The following RIPK4 variants were observed in gnomAD, a reference collection of about 807,000 sequenced individuals.
RIPK4 encodes receptor-interacting serine/threonine-protein kinase 4.
RIPK4 carries 17 observed loss-of-function variants against 42.9 expected under a neutral mutation model. That is an observed-to-expected ratio of 0.40 (90% CI 0.27 to 0.59). RIPK4 has a LOEUF of 0.59. Ranked by LOEUF, RIPK4 falls within the 20% of genes least tolerant of loss-of-function variation. The pLI is 0.47. For missense variants in RIPK4, 897 were observed against 1,104.4 expected (o/e 0.81, Z 2.66); for synonymous variants, 498 against 499.1 (o/e 1.00, Z 0.03).
At chr21:41,764,467 C>T (rs1275362098) in intron 1 of RIPK4, among the ~76,000 whole-genome samples, 1 of 152,044 alleles carries the variant, frequency 6.6e-6, no homozygotes, top group African/African-American at 2.4e-5. Flanking sequence ...GCTGTCCCTC[C>T]GAGAAGAGAA....
rs749250873 is a variant in RIPK4 at position 41,741,651 on chromosome 21, G to A, written c.1542C>T (p.Asn514=). Residue 514 remains asparagine, a synonymous_variant, in exon 8 of 8, where the codon AAC becomes AAT. Transcript: ENST00000332512. ...GCAGCCGTGTGCTAGACTCGTCCCC[G>A]TTCTGGGCTGCAAAGTGGAGGGCTG... ...QWTALHFAAQ[N]GDESSTRLLL... is the part of the protein sequence containing the mutation. 1.1e-5 allele frequency: 18 copies of A among 1,613,616 alleles called. No individual in the cohort carries two copies. Among genetic ancestry groups the A allele is most frequent in the Admixed American group, 1.7e-5 (1 of 60,028 alleles).
In RIPK4 at chr21:41,741,062, C is replaced by CA. The variant is rs762052035; in HGVS notation, c.2130dup (p.Ala711CysfsTer19). On this transcript the variant is annotated frameshift_variant, in exon 8 of 8. Coordinates refer to ENST00000332512, the MANE Select transcript of RIPK4 (RefSeq NM_020639.3). LOFTEE classifies it high-confidence loss of function. ...ACCACCTCCGAGTGCCCGTGGGCGG[C>CA]AGCCAGGTGCAGCGCCGTCTGGTTC... 1.2e-6 allele frequency: 2 copies of CA among 1,610,390 alleles called. No homozygotes were observed. The highest frequency in any genetic ancestry group is 2.2e-5 in the South Asian group (2 of 90,964).
intron 1 of RIPK4, among the ~76,000 whole-genome samples, chr21:41,758,021 A>AAAAAAT (rs1555910478): frequency 2.7e-4 from 14 of 51,358 alleles, no homozygotes; most frequent in Non-Finnish European, 3.1e-4. Context: ...AAAAAAAAAA[A>AAAAAAT]ATATATATAT....
Position 41,743,981 on chromosome 21 carries a change from C to A in RIPK4, c.1096G>T (p.Gly366Cys). Residue 366 changes from glycine (G) to cysteine (C), a missense_variant, in exon 7 of 8, where the codon GGC becomes TGC. Gly to Cys is a radical substitution (Grantham distance 159, BLOSUM62 -3). Coordinates refer to ENST00000332512, the MANE Select transcript of RIPK4 (RefSeq NM_020639.3). ...SSSESKLPSS[G>C]SGKRLSGVSS... ...ACCCCCGAGAGCCTCTTCCCACTGC[C>A]GGACGATGGCAGCTTGGACTCAGAG... 1.2e-6 allele frequency: 2 copies of A among 1,613,464 alleles called. No individual in the cohort carries two copies. Among genetic ancestry groups the A allele is most frequent in the Non-Finnish European group, 1.7e-6 (2 of 1,180,018 alleles).
At chr21:41,756,847 C>A in intron 1 of RIPK4, 31 bp from the exon 2 acceptor site, 1 of 1,596,740 alleles carries the variant, frequency 6.3e-7, no homozygotes, top group Non-Finnish European at 8.5e-7. Flanking sequence ...GAAGAATACG[C>A]AATGGTCACT....
At chr21:41,744,339 G>A (rs897106454) in intron 6 of RIPK4, among the ~76,000 whole-genome samples, 199 bp from the exon 7 acceptor site, 3 of 151,780 alleles carry the variant, frequency 2.0e-5, no homozygotes, top group African/African-American at 7.3e-5. Flanking sequence ...GAGCTCAGAC[G>A]CCATGTCCAC....
At chr21:41,759,871 T>TG (rs1306656248) in intron 1 of RIPK4, among the ~76,000 whole-genome samples, 1 of 152,234 alleles carries the variant, frequency 6.6e-6, no homozygotes, top group Non-Finnish European at 1.5e-5. Flanking sequence ...GCTCTTGCTG[T>TG]GGAAATTCCC....
intron 1 of RIPK4, among the ~76,000 whole-genome samples, chr21:41,758,413 A>G (rs890068030): frequency 2.0e-5 from 3 of 152,192 alleles, no homozygotes; most frequent in African/African-American, 7.2e-5. Flanking sequence ...TCATGGCTGA[A>G]TAATATTCTG....
At position 41,739,924 on chromosome 21, in the gene RIPK4, C is replaced by T. The variant is rs1004233122; in HGVS notation, c.*914G>A. ...AGGTAATACTATGTAATTTTATCTTCATACTGCGTGTGGAGATAAAAAACA... is the reference window on the plus strand; with the variant it reads ...AGGTAATACTATGTAATTTTATCTTTATACTGCGTGTGGAGATAAAAAACA... On this transcript the variant is annotated 3_prime_UTR_variant, in exon 8 of 8. Transcript: ENST00000332512. The T allele has an allele frequency of 6.6e-6, 1 of 152,252 alleles. No individual in the cohort carries two copies. The highest frequency in any genetic ancestry group is 1.9e-4 in the East Asian group (1 of 5,202). 9.4% of individuals were successfully genotyped at this position (152,252 alleles called of 1,614,324 possible).
chr21:41,751,638 CA>C lies in RIPK4; in HGVS notation c.475-394del, dbSNP rs2061188750. Reference sequence around the variant, plus strand: ...CTTCGAGGGTTCAGGTAAAGAGAGACACATGTGAAGACCAGGTCTGCTCCTA... The same window carrying C: ...CTTCGAGGGTTCAGGTAAAGAGAGACCATGTGAAGACCAGGTCTGCTCCTA... On this transcript the variant is annotated intron_variant, in intron 2 of 7. Transcript: ENST00000332512. The surrounding 1 kb of genome is among the most constrained non-coding windows in gnomAD (Gnocchi z 4.5). Among the ~76,000 whole-genome samples the C allele has an allele frequency of 6.6e-6, 1 of 152,228 alleles. No homozygotes were observed. The highest frequency in any genetic ancestry group is 6.5e-5 in the Admixed American group (1 of 15,290).
At chr21:41,749,236 C>T (rs2061180898) in intron 3 of RIPK4, 33 bp from the exon 4 acceptor site, 2 of 1,612,582 alleles carry the variant, frequency 1.2e-6, no homozygotes, top group Non-Finnish European at 1.7e-6. Context: ...TAGCATCTGA[C>T]AGCCAGAGAC....
chr21:41,741,787 C>G lies in RIPK4; in HGVS notation c.1406G>C (p.Arg469Pro). ...LNNANPNLSN[R>P]RGSTPLHMAV... ...CATGTGCAACGGGGTGGAGCCCCTACGGTTGCTCAGGTTGGGGTTGGCATT... is the reference window on the plus strand; with the variant it reads ...CATGTGCAACGGGGTGGAGCCCCTAGGGTTGCTCAGGTTGGGGTTGGCATT... The change falls in exon 8 of 8, where the codon CGT becomes CCT. Residue 469 changes from arginine (R) to proline (P), a missense_variant. By Grantham distance (103) the Arg-to-Pro change is moderately radical. Transcript: ENST00000332512. 1 of 1,611,368 alleles carries G rather than the reference C, an allele frequency of 6.2e-7. No individual in the cohort carries two copies. Among genetic ancestry groups the G allele is most frequent in the Non-Finnish European group, 8.5e-7 (1 of 1,180,000 alleles).
intron 2 of RIPK4, among the ~76,000 whole-genome samples, chr21:41,752,815 C>T (rs1043395371): frequency 6.6e-6 from 1 of 152,084 alleles, no homozygotes; most frequent in Non-Finnish European, 1.5e-5. Flanking sequence ...ACACGCCGGG[C>T]CCTGTCGGTG....
rs776884217 is a variant in RIPK4 at position 41,756,708 on chromosome 21, C to T, written c.291G>A (p.Glu97=). ...ICREPVGLVM[E]YMETGSLEKL... ...TTTCCAGGGAGCCCGTCTCCATGTA[C>T]TCCATGACCAGGCCGACAGGTTCGC... The change falls in exon 2 of 8, where the codon GAG becomes GAA. Residue 97 remains glutamate (E), a synonymous_variant. Transcript: ENST00000332512. 7.4e-6 allele frequency: 12 copies of T among 1,614,116 alleles called. No individual in the cohort carries two copies. The highest frequency in any genetic ancestry group is 1.0e-5 in the Non-Finnish European group (12 of 1,180,058).
In RIPK4 at chr21:41,744,036, G is replaced by C. The variant is rs1030476867; in HGVS notation, c.1041C>G (p.Val347=). The C allele has an allele frequency of 1.9e-6, 3 of 1,612,936 alleles. No individual in the cohort carries two copies. The highest frequency in any genetic ancestry group is 4.5e-5 in the East Asian group (2 of 44,872). The part of the protein sequence containing the change: ...SQLDSGVSQA[V]EGPEELSRSS... Reference sequence around the variant, plus strand: ...TGCGGCTGAGCTCCTCGGGGCCCTCGACAGCCTGGGAAACTCCAGAGTCCA... The same window carrying C: ...TGCGGCTGAGCTCCTCGGGGCCCTCCACAGCCTGGGAAACTCCAGAGTCCA... Residue 347 remains valine (V), a synonymous_variant, in exon 7 of 8, where the codon GTC becomes GTG. Coordinates refer to ENST00000332512, the MANE Select transcript of RIPK4 (RefSeq NM_020639.3).
intron 7 of RIPK4, among the ~76,000 whole-genome samples, chr21:41,743,151 T>C (rs2061159843): frequency 6.6e-6 from 1 of 151,722 alleles, no homozygotes; most frequent in Non-Finnish European, 1.5e-5. Context: ...CCCCCGTGGC[T>C]GTAGCCCTGA....
chr21:41,742,114 G>A lies in RIPK4; in HGVS notation c.1196-117C>T, dbSNP rs58045760. ...GAGTGCCATGGCCTCCAGGCTGCTC[G>A]CTGGTCACCCGACTGTGTTTGAGCG... is the stretch of plus-strand genomic sequence containing the variant. On this transcript the variant is annotated intron_variant, in intron 7 of 7. Transcript: ENST00000332512. The surrounding 1 kb of genome is among the most constrained non-coding windows in gnomAD (Gnocchi z 5.1). The A allele has an allele frequency of 1.6e-3, 1,432 of 887,534 alleles. 15 individuals carry two copies. In the African/African-American group the frequency reaches 0.021, roughly 13 times the overall value. The allele number at this position is 887,534 out of a possible 1,614,324, so 55.0% of individuals were successfully genotyped here. A position where few individuals can be genotyped will look rare whatever the true frequency, so the allele number is the denominator to read the frequency against.
rs1167296420 is a variant in RIPK4, at chr21:41,743,887, G to T, written c.1190C>A (p.Thr397Asn). 5 of 1,599,086 alleles carry T rather than the reference G, an allele frequency of 3.1e-6. No homozygotes were observed. Among genetic ancestry groups the T allele is most frequent in the Non-Finnish European group, 4.3e-6 (5 of 1,171,324 alleles). The change falls in exon 7 of 8, where the codon ACC (threonine) becomes AAC (asparagine). Residue 397 changes from threonine to asparagine, a missense_variant. Transcript: ENST00000332512. ...LSLSFEREPS[T>N]SDLGTTDVQK... ...ACAGAGGCGTCCCCACTCACCGCTGGTTGAAGGTTCCCGCTCAAAGGACAG... is the reference window on the plus strand; with the variant it reads ...ACAGAGGCGTCCCCACTCACCGCTGTTTGAAGGTTCCCGCTCAAAGGACAG...
rs61740546 is a variant in RIPK4 at position 41,741,606 on chromosome 21, C to T, written c.1587G>A (p.Ser529=). Residue 529 remains serine (S), a synonymous_variant, in exon 8 of 8, where the codon TCG becomes TCA. Coordinates refer to ENST00000332512, the MANE Select transcript of RIPK4 (RefSeq NM_020639.3). The part of the protein sequence containing the change: ...STRLLLEKNA[S]VNEVDFEGRT... ...GGCCCTCAAAGTCCACCTCGTTGAC[C>T]GAGGCGTTCTTCTCCAACAGCAGCC... The T allele has an allele frequency of 3.0e-3, 4,825 of 1,612,548 alleles. 136 individuals are homozygous for T. The African/African-American group carries it at 0.054, about 18-fold the overall frequency.
Sources: gnomAD v4.1 joint callset for allele counts (sites outside exome capture counted in the v4.1 genomes callset) on GRCh38, gnomAD v4.1.1 for gene constraint, Gnocchi (gnomAD v3.1) non-coding constraint, MANE v1.5 for transcripts, NCBI Gene and HGNC (gene_info 2026-07-23, HGNC 2026-07-21) for gene names.